HRH2: variants seen among roughly 807,000 people sequenced by gnomAD.
HRH2 encodes the protein histamine receptor H2.
Under a neutral mutation model 20.1 loss-of-function variants are expected in HRH2, and 4 were observed. The observed-to-expected ratio is 0.20, with a 90% confidence interval of 0.10 to 0.45. The LOEUF (loss-of-function observed/expected upper bound fraction) is 0.45, where lower values mean the gene tolerates loss of function less well. HRH2 is among the 20% of genes least tolerant of loss of function. HRH2 has a pLI of 0.99. For synonymous variants in HRH2, 197 were observed against 200.7 expected (o/e 0.98, Z 0.16); for missense variants, 250 against 461.6 (o/e 0.54, Z 4.20).
chr5:175,659,610 G>T (rs539632505), intron 1 of HRH2, among the ~76,000 whole-genome samples: 1 of 152,262 alleles, frequency 6.6e-6, no homozygotes, highest in Admixed American at 6.5e-5. Context: ...ATTGCCATGT[G>T]GTCACACCGG....
At chr5:175,701,232 A>G (rs532362595) in intron 2 of HRH2, among the ~76,000 whole-genome samples, 1 of 152,328 alleles carries the variant, frequency 6.6e-6, no homozygotes, top group East Asian at 1.9e-4. Context: ...GGCTGAACAT[A>G]TTATAACACG....
chr5:175,671,605 A>T (rs1755542091), intron 1 of HRH2, among the ~76,000 whole-genome samples: 2 of 152,184 alleles, frequency 1.3e-5, no homozygotes, highest in African/African-American at 4.8e-5. Flanking sequence ...CACACAAAAA[A>T]CTTTGCAAAC....
intron 1 of HRH2, among the ~76,000 whole-genome samples, chr5:175,664,434 C>T (rs371980458): frequency 1.3e-5 from 2 of 152,164 alleles, no homozygotes; most frequent in African/African-American, 4.8e-5. Flanking sequence ...CAGATAGACA[C>T]AGAGCGTCTG....
At chr5:175,690,733 C>A (rs1756341774) in intron 2 of HRH2, among the ~76,000 whole-genome samples, 1 of 152,102 alleles carries the variant, frequency 6.6e-6, no homozygotes, top group Non-Finnish European at 1.5e-5. Context: ...AGAAACCCTG[C>A]ACCTCTGAGC....
At chr5:175,689,813 C>CTGAG (rs1243584764) in intron 2 of HRH2, among the ~76,000 whole-genome samples, 1 of 152,220 alleles carries the variant, frequency 6.6e-6, no homozygotes, top group Non-Finnish European at 1.5e-5. Context: ...CAGCAAGCTT[C>CTGAG]TGAGTCAGGA....
rs556487135 is a variant in HRH2 at position 175,701,020 on chromosome 5, G to A, written c.1077-6759G>A. 2.6e-4 allele frequency among the ~76,000 whole-genome samples: 40 copies of A among 152,352 alleles called. 1 individual carries two copies. In the South Asian group the frequency reaches 8.1e-3, roughly 31 times the overall value. ...AAGAAATAGCAGGATAACACATACAGATGGTGGTTCTGTCTGATCACTTGT... is the reference window on the plus strand; with the variant it reads ...AAGAAATAGCAGGATAACACATACAAATGGTGGTTCTGTCTGATCACTTGT... On this transcript the variant is annotated intron_variant, in intron 2 of 2. Coordinates refer to ENST00000636584, the MANE Select transcript of HRH2 (RefSeq NM_001367711.1).
At chr5:175,690,148 G>A (rs926017615) in intron 2 of HRH2, among the ~76,000 whole-genome samples, 1 of 152,150 alleles carries the variant, frequency 6.6e-6, no homozygotes, top group Non-Finnish European at 1.5e-5. Context: ...GCCTCTATGA[G>A]TGCACTTTGC....
chr5:175,679,763 G>C (rs1755896625), intron 1 of HRH2, among the ~76,000 whole-genome samples: 1 of 152,220 alleles, frequency 6.6e-6, no homozygotes, highest in Non-Finnish European at 1.5e-5. Flanking sequence ...AAGGTGTGCT[G>C]CATCTGGGGA....
At chr5:175,673,709 G>GA (rs1353093233) in intron 1 of HRH2, among the ~76,000 whole-genome samples, 1 of 132,984 alleles carries the variant, frequency 7.5e-6, no homozygotes, top group Admixed American at 7.5e-5. Flanking sequence ...TTTTTTTTTT[G>GA]TTTTTTTTTT....
chr5:175,667,315 G>A (rs565373292), intron 1 of HRH2, among the ~76,000 whole-genome samples: 1 of 152,118 alleles, frequency 6.6e-6, no homozygotes, highest in South Asian at 2.1e-4. Flanking sequence ...GTGGTGGCAG[G>A]TGCCTGTAAT....
chr5:175,683,498 G>A lies in HRH2; in HGVS notation c.265G>A (p.Val89Ile). ...QLSCKWSFGK[V>I]FCNIYTSLDV... ...GTCCTGCAAGTGGAGCTTTGGCAAG[G>A]TCTTCTGCAATATCTACACCAGCCT... The change falls in exon 2 of 3, where the codon GTC becomes ATC. Residue 89 changes from valine (V) to isoleucine (I), a missense_variant. Physicochemically the swap from Val to Ile is conservative, Grantham distance 29 (BLOSUM62 3). Transcript: ENST00000636584. 1.2e-6 allele frequency: 2 copies of A among 1,614,150 alleles called. No homozygotes were observed. The highest frequency in any genetic ancestry group is 1.7e-6 in the Non-Finnish European group (2 of 1,180,028).
chr5:175,705,493 A>T (rs657593), intron 2 of HRH2, among the ~76,000 whole-genome samples: 28,222 of 151,868 alleles, frequency 0.19, 4,468 homozygotes, highest in African/African-American at 0.43. Flanking sequence ...CCTTTTTTTA[A>T]AAAATTATGG....
chr5:175,685,293 G>GA, intron 2 of HRH2: 1 of 931,066 alleles, frequency 1.1e-6, no homozygotes, highest in Non-Finnish European at 1.6e-6. Context: ...TGTGAGGAGA[G>GA]ACAGCTTACT....
intron 1 of HRH2, among the ~76,000 whole-genome samples, chr5:175,665,776 A>G (rs6881915): frequency 0.018 from 2,734 of 152,294 alleles, 38 homozygotes; most frequent in Non-Finnish European, 0.027. Context: ...TAAAATGGGC[A>G]AGAGTGGTTA....
intron 2 of HRH2, among the ~76,000 whole-genome samples, chr5:175,690,814 C>G (rs1251098278): frequency 2.0e-5 from 3 of 152,240 alleles, no homozygotes; most frequent in Non-Finnish European, 4.4e-5. Flanking sequence ...TGCTTTCGGC[C>G]TCTCTGGATC....
rs1007231686 is a variant in HRH2, at chr5:175,658,129, A to G, written c.-552A>G. 1 of 151,758 alleles carries G rather than the reference A, an allele frequency of 6.6e-6. No individual in the cohort carries two copies. The highest frequency in any genetic ancestry group is 2.4e-5 in the African/African-American group (1 of 41,370). 9.4% of individuals were successfully genotyped at this position (151,758 alleles called of 1,614,324 possible). ...CGGGACCGAGGCGAACCGGGTGCGG[A>G]GCCAATACCCGCGGCAGCAGCACCA... is the stretch of plus-strand genomic sequence containing the variant. On this transcript the variant is annotated 5_prime_UTR_variant, in exon 1 of 3. Coordinates refer to ENST00000636584, the MANE Select transcript of HRH2 (RefSeq NM_001367711.1).
rs1282031138 is a variant in HRH2 at position 175,681,869 on chromosome 5, A to G, written c.-525-840A>G. Among the ~76,000 whole-genome samples the G allele has an allele frequency of 2.0e-5, 3 of 152,174 alleles. No homozygotes were observed. The East Asian group carries it at 5.8e-4, about 29-fold the overall frequency. On this transcript the variant is annotated intron_variant, in intron 1 of 2. Transcript: ENST00000636584. The surrounding 1 kb of genome is among the most constrained non-coding windows in gnomAD (Gnocchi z 4.3). ...ACGTGTTCTGCCAAGTAAGACCAGT[A>G]AGATTTAGAGATGCGTTCGGAGCAG...
intron 2 of HRH2, among the ~76,000 whole-genome samples, chr5:175,705,227 A>G (rs111833949): frequency 1.8e-4 from 28 of 152,366 alleles, no homozygotes; most frequent in African/African-American, 6.7e-4. Context: ...GCTCAGGAAT[A>G]GCCAAGTCTT....
chr5:175,677,488 C>T lies in HRH2; in HGVS notation c.-525-5221C>T, dbSNP rs1755798463. Among the ~76,000 whole-genome samples, 1 of 152,222 alleles carries T rather than the reference C, an allele frequency of 6.6e-6. No homozygotes were observed. Among genetic ancestry groups the T allele is most frequent in the South Asian group, 2.1e-4 (1 of 4,822 alleles). On this transcript the variant is annotated intron_variant, in intron 1 of 2. Coordinates refer to ENST00000636584, the MANE Select transcript of HRH2 (RefSeq NM_001367711.1). The surrounding 1 kb of genome is among the most constrained non-coding windows in gnomAD (Gnocchi z 4.2). ...AGGCCAGGGATCATTTCAGCTCTGA[C>T]TGTCTGGGCTGAAGCCACGTTGGTC...
Sources: gnomAD v4.1 joint callset for allele counts (sites outside exome capture counted in the v4.1 genomes callset) on GRCh38, gnomAD v4.1.1 for gene constraint, Gnocchi (gnomAD v3.1) non-coding constraint, MANE v1.5 for transcripts, NCBI Gene and HGNC (gene_info 2026-07-23, HGNC 2026-07-21) for gene names.